FAM178B: variants seen among roughly 807,000 people sequenced by gnomAD.
FAM178B encodes the protein protein FAM178B.
In FAM178B, 82 loss-of-function variants were observed where a neutral mutation model predicts 91.7. The ratio of observed to expected loss-of-function variants is 0.89; its 90% CI spans 0.75 to 1.07. The LOEUF (loss-of-function observed/expected upper bound fraction) is 1.07, where lower values mean the gene tolerates loss of function less well. Among genes scored for constraint, FAM178B ranks in the 50% least tolerant of loss-of-function variants. The probability of loss-of-function intolerance (pLI) is 0.00; values close to 1 mark genes in which losing one functional copy is unlikely to be tolerated. For synonymous variants in FAM178B, 368 were observed against 359.4 expected (o/e 1.02, Z -0.27); for missense variants, 769 against 846.7 (o/e 0.91, Z 1.14).
chr2:96,896,786 A>G (rs2080832694), intron 13 of FAM178B, among the ~76,000 whole-genome samples: 1 of 152,202 alleles, frequency 6.6e-6, no homozygotes. Flanking sequence ...CTGACCAGAC[A>G]GCACCTGCCT....
chr2:96,916,628 T>G (rs1275400322), intron 12 of FAM178B, among the ~76,000 whole-genome samples: 1 of 152,204 alleles, frequency 6.6e-6, no homozygotes, highest in Non-Finnish European at 1.5e-5. Context: ...CCTCCCAAGG[T>G]GGATGTTCCT....
chr2:96,919,316 T>C (rs769935898), intron 12 of FAM178B, among the ~76,000 whole-genome samples: 3 of 152,058 alleles, frequency 2.0e-5, no homozygotes, highest in Non-Finnish European at 2.9e-5. Context: ...GCCTAAGAAT[T>C]TGCACCTGGC....
chr2:96,911,551 A>G (rs1252970015), intron 12 of FAM178B, among the ~76,000 whole-genome samples: 1 of 152,210 alleles, frequency 6.6e-6, no homozygotes, highest in Non-Finnish European at 1.5e-5. Context: ...CTGAGGGGGA[A>G]AGTCTGAAAG....
chr2:96,879,055 G>A (rs2080315676), intron 14 of FAM178B, among the ~76,000 whole-genome samples: 1 of 152,218 alleles, frequency 6.6e-6, no homozygotes, highest in African/African-American at 2.4e-5. Flanking sequence ...TGCTCCATCT[G>A]GCCCGAGAAC....
chr2:96,942,002 T>C (rs1372557764), intron 8 of FAM178B, among the ~76,000 whole-genome samples: 1 of 152,204 alleles, frequency 6.6e-6, no homozygotes, highest in African/African-American at 2.4e-5. Context: ...AAAAAAACTA[T>C]CACAGCTAAT....
chr2:96,894,142 T>C lies in FAM178B; in HGVS notation c.1651-91A>G, dbSNP rs946762450. 5 of 1,475,374 alleles carry C rather than the reference T, an allele frequency of 3.4e-6. No individual in the cohort carries two copies. The Admixed American group carries it at 6.1e-5, about 18-fold the overall frequency. The allele number at this position is 1,475,374 out of a possible 1,614,324, so 91.4% of individuals were successfully genotyped here. A position where few individuals can be genotyped will look rare whatever the true frequency, so the allele number is the denominator to read the frequency against. On this transcript the variant is annotated intron_variant, in intron 13 of 16. Coordinates refer to ENST00000490605, the MANE Select transcript of FAM178B (RefSeq NM_001122646.3). ...GAATCGGCCTGGACACCTCAGCTGG[T>C]GGCAGTGTGTTAGGGCACTGGCTTC...
At chr2:96,891,010 TA>T (rs1416931709) in intron 14 of FAM178B, among the ~76,000 whole-genome samples, 8 of 152,172 alleles carry the variant, frequency 5.3e-5, no homozygotes, top group African/African-American at 1.9e-4. Context: ...TTCAAAATGC[TA>T]AAAACGTTAT....
Position 96,986,305 on chromosome 2 carries a change from T to G in FAM178B, c.9A>C (p.Pro3=). Residue 3 remains proline, a synonymous_variant, in exon 1 of 17, where the codon CCA becomes CCC. Coordinates refer to ENST00000490605, the MANE Select transcript of FAM178B (RefSeq NM_001122646.3). The part of the protein sequence containing the change: MW[P]RLPGAGLAPQ... ...GAGCGAGGCCCGCACCTGGAAGCCT[T>G]GGCCACATAGGGCGGGAAGGGCAGG... The G allele has an allele frequency of 6.5e-7, 1 of 1,534,184 alleles. No homozygotes were observed. Among genetic ancestry groups the G allele is most frequent in the Non-Finnish European group, 8.7e-7 (1 of 1,146,730 alleles).
intron 8 of FAM178B, among the ~76,000 whole-genome samples, chr2:96,945,500 TCTC>T (rs1270019702): frequency 6.6e-6 from 1 of 151,918 alleles, no homozygotes; most frequent in Non-Finnish European, 1.5e-5. Context: ...CACAAACAAA[TCTC>T]CTGTTTACAT....
rs2081341779 is a variant in FAM178B at position 96,921,639 on chromosome 2, C to T, written c.1303G>A (p.Ala435Thr). 1.3e-6 allele frequency: 2 copies of T among 1,551,342 alleles called. No individual in the cohort carries two copies. Among genetic ancestry groups the T allele is most frequent in the Admixed American group, 3.9e-5 (2 of 50,982 alleles). ...GHIYKFLALC[A>T]QAQPGAYTDE... is the part of the protein sequence containing the mutation. The stretch of plus-strand genomic sequence containing the variant: ...GTGTAGGCCCCCGGCTGGGCCTGGG[C>T]ACACAGCGCCAGAAACTGGAGAGAG... The change falls in exon 11 of 17, where the codon GCC becomes ACC. Residue 435 changes from alanine (A) to threonine (T), a missense_variant. Physicochemically the swap from Ala to Thr is moderately conservative, Grantham distance 58. Transcript: ENST00000490605.
rs201544737 is a variant in FAM178B, at chr2:96,923,477, C to A, written c.1287+13G>T. Reference sequence around the variant, plus strand: ...CCGAGAGTGCCCTGCATGAGGCAGGCGGCTTGACTCACCTTGTAGATGTGG... The same window carrying A: ...CCGAGAGTGCCCTGCATGAGGCAGGAGGCTTGACTCACCTTGTAGATGTGG... On this transcript the variant is annotated intron_variant, in intron 10 of 16. Coordinates refer to ENST00000490605, the MANE Select transcript of FAM178B (RefSeq NM_001122646.3). 21 of 1,546,752 alleles carry A rather than the reference C, an allele frequency of 1.4e-5. No homozygotes were observed. In the East Asian group the frequency reaches 4.9e-4, roughly 36 times the overall value.
At position 96,958,527 on chromosome 2, in the gene FAM178B, A is replaced by G. The variant is rs115470181; in HGVS notation, c.887+1761T>C. 4.0e-3 allele frequency among the ~76,000 whole-genome samples: 608 copies of G among 151,650 alleles called. 3 individuals are homozygous for G. Among genetic ancestry groups the G allele is most frequent in the African/African-American group, 0.014 (595 of 41,390 alleles). On this transcript the variant is annotated intron_variant, in intron 6 of 16. Coordinates refer to ENST00000490605, the MANE Select transcript of FAM178B (RefSeq NM_001122646.3). ...ACATGGCGAGACCCCCATCTCTACA[A>G]AAAAATACAAAAATTAACCTAGAGC... is the stretch of plus-strand genomic sequence containing the variant.
chr2:96,947,019 A>G (rs1574287490), intron 8 of FAM178B, among the ~76,000 whole-genome samples: 1 of 152,216 alleles, frequency 6.6e-6, no homozygotes, highest in Non-Finnish European at 1.5e-5. Flanking sequence ...CTTCAGGGCC[A>G]TGTGCTTTCT....
At chr2:96,879,318 G>A (rs1472925553) in intron 14 of FAM178B, among the ~76,000 whole-genome samples, 3 of 152,220 alleles carry the variant, frequency 2.0e-5, no homozygotes, top group Non-Finnish European at 4.4e-5. Flanking sequence ...CCGAGGACGA[G>A]TAGGGGTGGG....
chr2:96,975,046 G>A (rs778626047), intron 1 of FAM178B, among the ~76,000 whole-genome samples: 5 of 137,114 alleles, frequency 3.6e-5, no homozygotes, highest in Admixed American at 7.9e-5. Flanking sequence ...AGCCTAGATC[G>A]TGCCACTGCA....
chr2:96,969,185 A>G (rs2082184839), intron 4 of FAM178B, among the ~76,000 whole-genome samples: 1 of 152,252 alleles, frequency 6.6e-6, no homozygotes, highest in Non-Finnish European at 1.5e-5. Context: ...AGAGCCTGGC[A>G]TGGTGCAGCA....
intron 6 of FAM178B, chr2:96,956,796 A>G (rs2082005622): frequency 6.6e-6 from 1 of 152,262 alleles, no homozygotes; most frequent in Admixed American, 6.5e-5. Flanking sequence ...CAGCATGTTC[A>G]GGGTGGCATG....
In FAM178B at chr2:96,944,780, C is replaced by A. The variant is rs183551408; in HGVS notation, c.1078+3038G>T. ...TTTGGGAATACCAGACCTGCGTTTA[C>A]CTGCACCAAACCTGATGTGGACAGC... is the stretch of plus-strand genomic sequence containing the variant. On this transcript the variant is annotated intron_variant, in intron 8 of 16. Transcript: ENST00000490605. 2.7e-3 allele frequency among the ~76,000 whole-genome samples: 408 copies of A among 152,314 alleles called. 1 individual carries two copies. Among genetic ancestry groups the A allele is most frequent in the Non-Finnish European group, 4.2e-3 (283 of 68,022 alleles).
At position 96,876,073 on chromosome 2, in the gene FAM178B, A is replaced by C; in HGVS notation, c.*203T>G. The C allele has an allele frequency of 1.7e-6, 1 of 575,738 alleles. No individual in the cohort carries two copies. The highest frequency in any genetic ancestry group is 2.0e-5 in the South Asian group (1 of 49,316). The allele number at this position is 575,738 out of a possible 1,614,324, so 35.7% of individuals were successfully genotyped here. On this transcript the variant is annotated 3_prime_UTR_variant, in exon 17 of 17. Transcript: ENST00000490605. ...GCAGAGAGGCCCATCCCTTGCTGAG[A>C]GGAGAGGGGGTCGGGGCGGTGGCAG...
Sources: gnomAD v4.1 joint callset for allele counts (sites outside exome capture counted in the v4.1 genomes callset) on GRCh38, gnomAD v4.1.1 for gene constraint, MANE v1.5 for transcripts, NCBI Gene and HGNC (gene_info 2026-07-23, HGNC 2026-07-21) for gene names.